The following CYP3A5 variants were observed in gnomAD, a reference collection of about 807,000 sequenced individuals.
CYP3A5 encodes the protein cytochrome P450 3A5.
In CYP3A5, 51 loss-of-function variants were observed where a neutral mutation model predicts 55.9. The observed-to-expected ratio is 0.91, with a 90% CI of 0.73 to 1.15. CYP3A5 has a LOEUF of 1.15. Among genes scored for constraint, CYP3A5 ranks in the 50% most tolerant of loss-of-function variants. The probability of loss-of-function intolerance (pLI) is 0.00; values close to 1 mark genes in which losing one functional copy is unlikely to be tolerated. For synonymous variants in CYP3A5, 196 were observed against 213.9 expected, an observed-to-expected ratio of 0.92 and a Z score of 0.73; for missense variants, 533 against 596.6, an observed-to-expected ratio of 0.89 and a Z score of 1.11.
At chr7:99,660,685 G>T in intron 9 of CYP3A5, 26 bp from the exon 10 acceptor site, 1 of 1,612,182 alleles carries the variant, frequency 6.2e-7, no homozygotes, top group Non-Finnish European at 8.5e-7. Flanking sequence ...AGACATTTTA[G>T]GTAAATCAGG....
intron 4 of CYP3A5, chr7:99,672,002 A>G (rs117445819): frequency 1.0e-4 from 61 of 594,682 alleles, no homozygotes; most frequent in Non-Finnish European, 1.7e-4. Context: ...CCTGTACTAT[A>G]GTATTAGGTT....
Position 99,665,052 on chromosome 7 carries a change from T to C in CYP3A5, c.670+114A>G, listed in dbSNP as rs1810857224. 3.0e-6 allele frequency: 3 copies of C among 1,007,214 alleles called. No individual in the cohort carries two copies. In the East Asian group the frequency reaches 7.9e-5, roughly 26 times the overall value. The allele number at this position is 1,007,214 out of a possible 1,614,324, so 62.4% of individuals were successfully genotyped here. A position where few individuals can be genotyped will look rare whatever the true frequency, so the allele number is the denominator to read the frequency against. On this transcript the variant is annotated intron_variant, in intron 7 of 12. Transcript: ENST00000222982. ...TAATGGTCATACATATTTTTGATTA[T>C]CTTAAAAACAATGGAATTGTACCTT...
At chr7:99,648,517 T>A in intron 12 of CYP3A5, 117 bp from the exon 13 acceptor site, 1 of 680,720 alleles carries the variant, frequency 1.5e-6, no homozygotes, top group Non-Finnish European at 2.4e-6. Context: ...AAACGACTCT[T>A]AACACCATGT....
intron 4 of CYP3A5, chr7:99,671,949 G>T: frequency 1.5e-6 from 1 of 677,602 alleles, no homozygotes; most frequent in South Asian, 1.6e-5. Context: ...ATGTAAAACT[G>T]GTGAAATCTG....
Position 99,653,787 on chromosome 7 carries a change from T to A in CYP3A5, c.1027-1008A>T, listed in dbSNP as rs1166007674. Among the ~76,000 whole-genome samples, 1 of 152,180 alleles carries A rather than the reference T, an allele frequency of 6.6e-6. No individual in the cohort carries two copies. Among genetic ancestry groups the A allele is most frequent in the Non-Finnish European group, 1.5e-5 (1 of 68,024 alleles). On this transcript the variant is annotated intron_variant, in intron 10 of 12. Coordinates refer to ENST00000222982, the MANE Select transcript of CYP3A5 (RefSeq NM_000777.5). The surrounding 1 kb of genome is among the most constrained non-coding windows in gnomAD (Gnocchi z 4.2). ...CCAGTTTGGGCAGAAGTCTGAAAACTGTGGATGATATGTACCTAGCACTTG... is the reference window on the plus strand; with the variant it reads ...CCAGTTTGGGCAGAAGTCTGAAAACAGTGGATGATATGTACCTAGCACTTG...
chr7:99,655,950 A>T (rs1029597996), intron 10 of CYP3A5, among the ~76,000 whole-genome samples: 1 of 152,188 alleles, frequency 6.6e-6, no homozygotes, highest in African/African-American at 2.4e-5. Flanking sequence ...ACTTTGCTGA[A>T]GTTGTTTATC....
At position 99,662,688 on chromosome 7, in the gene CYP3A5, TA is replaced by T; in HGVS notation, c.865+127del. 1 of 868,384 alleles carries T rather than the reference TA, an allele frequency of 1.2e-6. No individual in the cohort carries two copies. The highest frequency in any genetic ancestry group is 1.8e-6 in the Non-Finnish European group (1 of 541,408). 53.8% of individuals were successfully genotyped at this position (868,384 alleles called of 1,614,324 possible). On this transcript the variant is annotated intron_variant, in intron 9 of 12. Coordinates refer to ENST00000222982, the MANE Select transcript of CYP3A5 (RefSeq NM_000777.5). This position sits in a 1 kb window ranked among gnomAD's most constrained non-coding sequence, Gnocchi z 4.3. The stretch of plus-strand genomic sequence containing the variant: ...GCCTCCAGCTACCATTTATAACATC[TA>T]AATGTGTGTTGTTCTGCTATGTGGC...
At chr7:99,677,812 T>G (rs1023367045) in intron 1 of CYP3A5, among the ~76,000 whole-genome samples, 14 of 152,232 alleles carry the variant, frequency 9.2e-5, no homozygotes, top group African/African-American at 3.4e-4. Context: ...GACACTAATC[T>G]CTGCTCCTGA....
chr7:99,652,404 A>G (rs1809280980), intron 11 of CYP3A5, 149 bp downstream of exon 11: 1 of 568,798 alleles, frequency 1.8e-6, no homozygotes. Context: ...TGTGGTTTGT[A>G]AAGTTTGATA....
At chr7:99,654,289 T>G (rs968696572) in intron 10 of CYP3A5, among the ~76,000 whole-genome samples, 1 of 152,070 alleles carries the variant, frequency 6.6e-6, no homozygotes. Context: ...TGTCCATGTG[T>G]TCTCATTGTT....
At chr7:99,672,002 A>T (rs117445819) in intron 4 of CYP3A5, 13,579 of 594,720 alleles carry the variant, frequency 0.023, 213 homozygotes, top group Non-Finnish European at 0.027. Flanking sequence ...CCTGTACTAT[A>T]GTATTAGGTT....
chr7:99,652,447 A>T (rs1809285054), intron 11 of CYP3A5, 106 bp downstream of exon 11: 1 of 762,814 alleles, frequency 1.3e-6, no homozygotes, highest in African/African-American at 1.7e-5. Context: ...AAGACTTACA[A>T]GCAAATGATT....
chr7:99,674,299 A>C, intron 3 of CYP3A5: 1 of 392,206 alleles, frequency 2.5e-6, no homozygotes. Flanking sequence ...TCTATGGAGC[A>C]TCTTTGTCTT....
rs575447202 is a variant in CYP3A5 at position 99,650,297 on chromosome 7, G to T, written c.1254-65C>A. ...AAAAACCACAGAGTTACATGTTAGG[G>T]GTTCTTACTTAAGAACAACCCCCCT... On this transcript the variant is annotated intron_variant, in intron 11 of 12. Coordinates refer to ENST00000222982, the MANE Select transcript of CYP3A5 (RefSeq NM_000777.5). The T allele has an allele frequency of 2.0e-6, 3 of 1,513,878 alleles. No homozygotes were observed. In the African/African-American group the frequency reaches 4.1e-5, roughly 21 times the overall value. 93.8% of individuals were successfully genotyped at this position (1,513,878 alleles called of 1,614,324 possible). A position where few individuals can be genotyped will look rare whatever the true frequency, so the allele number is the denominator to read the frequency against.
chr7:99,648,504 TA>T (rs2151342928), intron 12 of CYP3A5, 104 bp from the exon 13 acceptor site: 1 of 513,058 alleles, frequency 1.9e-6, no homozygotes, highest in South Asian at 1.9e-5. Context: ...TGCAAGCATA[TA>T]AAAACGACTC....
At chr7:99,678,044 G>C (rs1231106551) in intron 1 of CYP3A5, among the ~76,000 whole-genome samples, 5 of 152,252 alleles carry the variant, frequency 3.3e-5, no homozygotes, top group Non-Finnish European at 5.9e-5. Flanking sequence ...AGAAAAGCCA[G>C]TCATCTATTG....
chr7:99,648,349 C>T lies in CYP3A5; in HGVS notation c.1465G>A (p.Val489Ile), dbSNP rs1005297587. ...CCATCTCTTGAATCCACCTTTAGAA[C>T]AATGGGTTTTTCTGGTTGAAGAAGT... ...QGLLQPEKPI[V>I]LKVDSRDGTL... is the part of the protein sequence containing the mutation. Residue 489 changes from valine to isoleucine, a missense_variant, in exon 13 of 13, where the codon GTT becomes ATT. Coordinates refer to ENST00000222982, the MANE Select transcript of CYP3A5 (RefSeq NM_000777.5). The T allele has an allele frequency of 2.5e-6, 4 of 1,612,252 alleles. No homozygotes were observed. The highest frequency in any genetic ancestry group is 3.4e-6 in the Non-Finnish European group (4 of 1,178,770).
intron 1 of CYP3A5, among the ~76,000 whole-genome samples, chr7:99,678,777 G>A (rs1346314510): frequency 4.6e-5 from 7 of 152,232 alleles, no homozygotes; most frequent in Non-Finnish European, 8.8e-5. Flanking sequence ...TTCTGTGAAA[G>A]AATTAAAATG....
Position 99,662,784 on chromosome 7 carries a change from G to T in CYP3A5, c.865+32C>A. On this transcript the variant is annotated intron_variant, in intron 9 of 12. Transcript: ENST00000222982. This position sits in a 1 kb window ranked among gnomAD's most constrained non-coding sequence, Gnocchi z 4.3. The stretch of plus-strand genomic sequence containing the variant: ...CAAGGCCCTCCCTCTTAGTGTCCCC[G>T]CCAGTAGCCCTCAGAAGCACTCCTT... 1.3e-6 allele frequency: 2 copies of T among 1,593,166 alleles called. No individual in the cohort carries two copies. Among genetic ancestry groups the T allele is most frequent in the African/African-American group, 1.3e-5 (1 of 74,524 alleles).
Sources: allele counts gnomAD v4.1 joint callset (sites outside exome capture counted in the v4.1 genomes callset), GRCh38; gene constraint gnomAD v4.1.1; non-coding constraint Gnocchi (gnomAD v3.1); transcripts MANE v1.5; gene names NCBI Gene and HGNC (gene_info 2026-07-23, HGNC 2026-07-21).